The following GNA14 variants were observed in gnomAD, a reference collection of about 807,000 sequenced individuals.
The protein encoded by GNA14 is G protein subunit alpha 14.
Under a neutral mutation model 42.0 loss-of-function variants are expected in GNA14, and 50 were observed. That is an observed-to-expected ratio of 1.19 (90% confidence interval 0.95 to 1.51). The LOEUF (loss-of-function observed/expected upper bound fraction) is 1.51. Ranked by LOEUF, GNA14 falls within the 40% of genes most tolerant of loss-of-function variation. GNA14 has a pLI of 0.00. For missense variants in GNA14, 473 were observed against 446.2 expected, an observed-to-expected ratio of 1.06 and a Z score of -0.54; for synonymous variants, 173 against 163.1, an observed-to-expected ratio of 1.06 and a Z score of -0.46.
At chr9:77,571,693 G>A (rs774049997) in intron 1 of GNA14, among the ~76,000 whole-genome samples, 106 of 150,398 alleles carry the variant, frequency 7.0e-4, no homozygotes, top group Non-Finnish European at 1.4e-3. Flanking sequence ...CCAGCTACTC[G>A]AGAGGCTGAG....
At chr9:77,502,686 T>C (rs1279851780) in intron 2 of GNA14, among the ~76,000 whole-genome samples, 1 of 152,150 alleles carries the variant, frequency 6.6e-6, no homozygotes, top group Non-Finnish European at 1.5e-5. Context: ...AGAGATCTCT[T>C]GGTACCTCTT....
intron 2 of GNA14, among the ~76,000 whole-genome samples, chr9:77,445,584 G>GA (rs1835803623): frequency 6.9e-6 from 1 of 145,572 alleles, no homozygotes; most frequent in South Asian, 2.2e-4. Flanking sequence ...GAAAGGAAAA[G>GA]AAAAAAATAT....
chr9:77,478,960 T>A (rs1373273768), intron 2 of GNA14, among the ~76,000 whole-genome samples: 2 of 152,226 alleles, frequency 1.3e-5, no homozygotes, highest in Non-Finnish European at 2.9e-5. Flanking sequence ...GAGAAAATTT[T>A]CTCCCATTCT....
At chr9:77,567,372 G>T (rs1307455925) in intron 1 of GNA14, among the ~76,000 whole-genome samples, 1 of 152,038 alleles carries the variant, frequency 6.6e-6, no homozygotes, top group Non-Finnish European at 1.5e-5. Context: ...ACCCTTATCA[G>T]TCTCCTCTGC....
chr9:77,498,117 T>G (rs1369605706), intron 2 of GNA14, among the ~76,000 whole-genome samples: 2 of 152,136 alleles, frequency 1.3e-5, no homozygotes, highest in African/African-American at 4.8e-5. Context: ...CTCACGCCTG[T>G]AATCCCAGCA....
At chr9:77,541,535 T>C (rs1359108525) in intron 1 of GNA14, among the ~76,000 whole-genome samples, 1 of 152,206 alleles carries the variant, frequency 6.6e-6, no homozygotes, top group African/African-American at 2.4e-5. Context: ...TTGCATTGTA[T>C]CTGTTTGAGC....
At chr9:77,434,002 G>C (rs531302141) in intron 3 of GNA14, among the ~76,000 whole-genome samples, 11 of 152,320 alleles carry the variant, frequency 7.2e-5, no homozygotes, top group African/African-American at 2.6e-4. Context: ...GAGGAGGAAA[G>C]TAGAAGCCAA....
At chr9:77,536,539 C>T (rs371856265) in intron 1 of GNA14, among the ~76,000 whole-genome samples, 8 of 152,104 alleles carry the variant, frequency 5.3e-5, no homozygotes, top group East Asian at 3.9e-4. Context: ...TTAGTAGAGA[C>T]GGGGTTTCAC....
chr9:77,575,191 A>C (rs973540976), intron 1 of GNA14, among the ~76,000 whole-genome samples: 3 of 152,192 alleles, frequency 2.0e-5, no homozygotes, highest in Non-Finnish European at 4.4e-5. Context: ...CTAGAATACA[A>C]GTTTCTCAAT....
chr9:77,472,407 C>G (rs371127577), intron 2 of GNA14, among the ~76,000 whole-genome samples: 14 of 152,084 alleles, frequency 9.2e-5, no homozygotes, highest in Admixed American at 3.3e-4. Flanking sequence ...AAAGAAATGT[C>G]CTGGAGGTTC....
intron 1 of GNA14, among the ~76,000 whole-genome samples, chr9:77,589,502 A>G (rs1823356959): frequency 6.6e-6 from 1 of 152,120 alleles, no homozygotes; most frequent in Non-Finnish European, 1.5e-5. Context: ...TATCACTTAT[A>G]TTTCATTCTC....
At chr9:77,645,933 G>T (rs1373754971) in intron 1 of GNA14, among the ~76,000 whole-genome samples, 1 of 152,078 alleles carries the variant, frequency 6.6e-6, no homozygotes, top group Non-Finnish European at 1.5e-5. Flanking sequence ...TGGGGTTCAG[G>T]GCAAAAGTAC....
intron 1 of GNA14, among the ~76,000 whole-genome samples, chr9:77,553,065 C>T (rs1837805760): frequency 6.6e-6 from 1 of 152,158 alleles, no homozygotes; most frequent in South Asian, 2.1e-4. Flanking sequence ...AAAAAAGGCA[C>T]ATCAAAGTCC....
chr9:77,601,698 G>C (rs1193630244), intron 1 of GNA14, among the ~76,000 whole-genome samples: 1 of 152,182 alleles, frequency 6.6e-6, no homozygotes, highest in Non-Finnish European at 1.5e-5. Flanking sequence ...TGGCCTATTG[G>C]AGAAAGAATA....
chr9:77,557,526 G>A (rs991175302), intron 1 of GNA14, among the ~76,000 whole-genome samples: 2 of 152,180 alleles, frequency 1.3e-5, no homozygotes, highest in African/African-American at 4.8e-5. Context: ...GTTAGCTGGG[G>A]ATATGAATGG....
chr9:77,428,783 C>G (rs1247522281), intron 5 of GNA14, 124 bp downstream of exon 5: 1 of 955,088 alleles, frequency 1.0e-6, no homozygotes, highest in Non-Finnish European at 1.6e-6. Context: ...CCACAGGTCA[C>G]ACTTTGAGTA....
At chr9:77,430,127 G>A (rs970949255) in intron 4 of GNA14, among the ~76,000 whole-genome samples, 3 of 152,210 alleles carry the variant, frequency 2.0e-5, no homozygotes, top group South Asian at 2.1e-4. Flanking sequence ...GCAGGGAACC[G>A]ATCTTGAAAC....
At chr9:77,479,954 A>C (rs1306761886) in intron 2 of GNA14, among the ~76,000 whole-genome samples, 1 of 152,174 alleles carries the variant, frequency 6.6e-6, no homozygotes, top group Non-Finnish European at 1.5e-5. Flanking sequence ...TTTTGGGCTG[A>C]AATGATGGGG....
chr9:77,459,090 G>T (rs1383895222), intron 2 of GNA14, among the ~76,000 whole-genome samples: 1 of 152,114 alleles, frequency 6.6e-6, no homozygotes, highest in Admixed American at 6.5e-5. Flanking sequence ...GGCTAAAGTG[G>T]CTGGGTGTGG....
Sources: allele counts gnomAD v4.1 joint callset (sites outside exome capture counted in the v4.1 genomes callset), GRCh38; gene constraint gnomAD v4.1.1; transcripts MANE v1.5; gene names NCBI Gene and HGNC (gene_info 2026-07-23, HGNC 2026-07-21).